Variants in SORBS2 observed in about 807,000 individuals in gnomAD.
SORBS2 encodes the protein sorbin and SH3 domain-containing protein 2.
A neutral mutation model predicts 97.7 loss-of-function variants in SORBS2; 46 were observed. That is an observed-to-expected ratio of 0.47 (90% CI 0.37 to 0.60). The LOEUF (loss-of-function observed/expected upper bound fraction) is 0.60. Ranked by LOEUF, SORBS2 falls within the 20% of genes least tolerant of loss-of-function variation. SORBS2 has a pLI of 0.00. For missense variants in SORBS2, 1,316 were observed against 1,282.3 expected (o/e 1.03, Z -0.40); for synonymous variants, 476 against 473.4 (o/e 1.01, Z -0.07).
intron 2 of SORBS2, among the ~76,000 whole-genome samples, chr4:185,697,617 C>T (rs2098195698): frequency 1.3e-5 from 2 of 152,172 alleles, no homozygotes; most frequent in African/African-American, 4.8e-5. Context: ...TTAAAAAAAT[C>T]ATTCTCTTTC....
intron 2 of SORBS2, among the ~76,000 whole-genome samples, chr4:185,752,401 G>C (rs371244633): frequency 1.3e-5 from 2 of 152,098 alleles, no homozygotes; most frequent in Admixed American, 1.3e-4. Context: ...TCAGCCTCCC[G>C]AGTAGCTTGG....
intron 2 of SORBS2, among the ~76,000 whole-genome samples, chr4:185,762,675 G>T (rs1007933371): frequency 6.6e-6 from 1 of 152,082 alleles, no homozygotes; most frequent in Non-Finnish European, 1.5e-5. Context: ...TTCCAATACC[G>T]CTTTATGTTA....
intron 1 of SORBS2, among the ~76,000 whole-genome samples, chr4:185,908,294 T>C (rs1225783077): frequency 4.0e-5 from 3 of 75,686 alleles, no homozygotes; most frequent in Non-Finnish European, 7.9e-5. Flanking sequence ...TATATATATA[T>C]ATATATATAT....
At chr4:185,601,002 A>G (rs955903239) in intron 12 of SORBS2, among the ~76,000 whole-genome samples, 1 of 152,140 alleles carries the variant, frequency 6.6e-6, no homozygotes, top group Non-Finnish European at 1.5e-5. Context: ...AATAGCGGAC[A>G]GGATCTGGCA....
At chr4:185,938,802 C>G (rs2099270407) in intron 1 of SORBS2, among the ~76,000 whole-genome samples, 1 of 152,142 alleles carries the variant, frequency 6.6e-6, no homozygotes, top group Non-Finnish European at 1.5e-5. Flanking sequence ...ATTCTGCCTT[C>G]ATCCCCTGCT....
intron 12 of SORBS2, among the ~76,000 whole-genome samples, chr4:185,596,896 T>G (rs559083738): frequency 2.8e-4 from 43 of 152,270 alleles, no homozygotes; most frequent in Admixed American, 5.9e-4. Flanking sequence ...TTTCAAACCC[T>G]GCCCCTCTTT....
Position 185,827,901 on chromosome 4 carries a change from C to T in SORBS2, c.-337-52535G>A, listed in dbSNP as rs563392731. Among the ~76,000 whole-genome samples the T allele has an allele frequency of 1.8e-4, 25 of 136,036 alleles. No homozygotes were observed. In the South Asian group the frequency reaches 3.6e-3, roughly 20 times the overall value. The allele number at this position is 136,036 out of a possible 152,430, so 89.2% of individuals were successfully genotyped here. A position where few individuals can be genotyped will look rare whatever the true frequency, so the allele number is the denominator to read the frequency against. On this transcript the variant is annotated intron_variant, in intron 1 of 20. Coordinates refer to the SORBS2 transcript ENST00000284776. ...TCACCATCATCAGCGTCACCATCAT[C>T]ATCATACCATCATCATCATCATCAC...
intron 2 of SORBS2, chr4:185,773,126 A>G (rs965707152): frequency 1.3e-5 from 2 of 152,150 alleles, no homozygotes; most frequent in South Asian, 2.1e-4. Context: ...CCATTCTCCA[A>G]AAAGATTTCA....
chr4:185,897,935 G>A (rs2099245846), intron 1 of SORBS2, among the ~76,000 whole-genome samples: 1 of 152,136 alleles, frequency 6.6e-6, no homozygotes, highest in African/African-American at 2.4e-5. Flanking sequence ...TACTAGGGAG[G>A]CTGAGACACA....
chr4:185,933,196 A>G (rs1259608205), intron 1 of SORBS2: 1 of 152,232 alleles, frequency 6.6e-6, no homozygotes, highest in Non-Finnish European at 1.5e-5. Flanking sequence ...TACGGTGCTC[A>G]TGGATAATTA....
intron 2 of SORBS2, chr4:185,772,189 C>T (rs145663462): frequency 6.6e-6 from 1 of 152,224 alleles, no homozygotes; most frequent in African/African-American, 2.4e-5. Flanking sequence ...CCAGAAAACA[C>T]ACACACACCC....
At chr4:185,935,686 C>T (rs536471510) in intron 1 of SORBS2, among the ~76,000 whole-genome samples, 16 of 152,218 alleles carry the variant, frequency 1.1e-4, no homozygotes, top group Admixed American at 1.3e-4. Context: ...AAACCTAGAA[C>T]GGTGGGCTGT....
intron 12 of SORBS2, among the ~76,000 whole-genome samples, chr4:185,596,576 C>T (rs539783085): frequency 7.0e-6 from 1 of 142,712 alleles, no homozygotes; most frequent in East Asian, 2.1e-4. Context: ...CACTCTGCCA[C>T]CAGGCTAGAG....
intron 1 of SORBS2, among the ~76,000 whole-genome samples, chr4:185,851,755 T>A: frequency 6.6e-6 from 1 of 152,136 alleles, no homozygotes; most frequent in Non-Finnish European, 1.5e-5. Context: ...TAGACTGGCT[T>A]AGCCTCCCAG....
intron 2 of SORBS2, among the ~76,000 whole-genome samples, chr4:185,749,636 G>A (rs780997989): frequency 1.3e-5 from 2 of 152,182 alleles, no homozygotes; most frequent in Non-Finnish European, 2.9e-5. Context: ...AGAAGAAACA[G>A]TAAAGATACA....
intron 2 of SORBS2, among the ~76,000 whole-genome samples, chr4:185,687,486 T>G (rs1283944589): frequency 6.6e-6 from 1 of 152,244 alleles, no homozygotes; most frequent in Non-Finnish European, 1.5e-5. Flanking sequence ...TCAATTTATG[T>G]GTACTGTTCT....
intron 1 of SORBS2, among the ~76,000 whole-genome samples, chr4:185,819,365 G>T (rs911324090): frequency 2.0e-5 from 3 of 152,212 alleles, no homozygotes; most frequent in Non-Finnish European, 4.4e-5. Flanking sequence ...GAAGAGGAGA[G>T]GGAGAGCCAA....
intron 1 of SORBS2, among the ~76,000 whole-genome samples, chr4:185,871,889 T>A (rs2099230605): frequency 6.6e-6 from 1 of 152,244 alleles, no homozygotes; most frequent in Non-Finnish European, 1.5e-5. Context: ...CTGGTTTGTA[T>A]GAGATGTGAC....
intron 1 of SORBS2, among the ~76,000 whole-genome samples, chr4:185,865,542 T>A (rs2099226402): frequency 6.6e-6 from 1 of 152,120 alleles, no homozygotes; most frequent in African/African-American, 2.4e-5. Context: ...TTAGGAGATC[T>A]ATAGGCTTTA....
Sources: gnomAD v4.1 joint callset for allele counts (sites outside exome capture counted in the v4.1 genomes callset) on GRCh38, gnomAD v4.1.1 for gene constraint, MANE v1.5 for transcripts, NCBI Gene and HGNC (gene_info 2026-07-23, HGNC 2026-07-21) for gene names.